Variants in CDK14 observed in about 807,000 individuals in gnomAD.
CDK14 encodes the protein cyclin dependent kinase 14.
CDK14 carries 34 observed loss-of-function variants against 60.7 expected under a neutral mutation model. The observed-to-expected ratio is 0.56, with a 90% confidence interval of 0.43 to 0.75. The LOEUF (loss-of-function observed/expected upper bound fraction) is 0.75, where lower values mean the gene tolerates loss of function less well. CDK14 is among the 30% of genes least tolerant of loss of function. The pLI is 0.00. For synonymous variants in CDK14, 197 were observed against 203.7 expected, an observed-to-expected ratio of 0.97 and a Z score of 0.28; for missense variants, 482 against 564.1, an observed-to-expected ratio of 0.85 and a Z score of 1.47.
At chr7:90,970,116 T>C (rs1200912257) in intron 9 of CDK14, among the ~76,000 whole-genome samples, 1 of 151,892 alleles carries the variant, frequency 6.6e-6, no homozygotes, top group Non-Finnish European at 1.5e-5. Context: ...CAGATGTGTA[T>C]CACCATGCCC....
chr7:91,153,187 C>T (rs1466724763), intron 14 of CDK14, among the ~76,000 whole-genome samples: 1 of 152,122 alleles, frequency 6.6e-6, no homozygotes, highest in Non-Finnish European at 1.5e-5. Context: ...AACTTGAATT[C>T]TAGGCAGAGA....
chr7:90,626,752 C>T (rs1377832793), intron 2 of CDK14, among the ~76,000 whole-genome samples: 1 of 151,982 alleles, frequency 6.6e-6, no homozygotes, highest in African/African-American at 2.4e-5. Flanking sequence ...CCAGCCTGGG[C>T]AATATAGTGA....
chr7:90,906,937 C>T (rs139306727), intron 7 of CDK14, among the ~76,000 whole-genome samples: 179 of 152,178 alleles, frequency 1.2e-3, no homozygotes, highest in African/African-American at 3.9e-3. Flanking sequence ...AATTTCTACT[C>T]ACTTTGCTAC....
chr7:91,166,349 C>A (rs1476611608), intron 14 of CDK14, among the ~76,000 whole-genome samples: 3 of 152,190 alleles, frequency 2.0e-5, no homozygotes, highest in African/African-American at 7.2e-5. Context: ...ATAAATACAC[C>A]ATTGAGGAGC....
intron 14 of CDK14, among the ~76,000 whole-genome samples, chr7:91,182,171 G>C (rs1367816661): frequency 1.3e-5 from 2 of 152,036 alleles, no homozygotes; most frequent in Non-Finnish European, 2.9e-5. Context: ...ACTAGCCTCA[G>C]AATGGCAATA....
At chr7:90,820,585 A>C (rs1411490042) in intron 5 of CDK14, among the ~76,000 whole-genome samples, 1 of 152,182 alleles carries the variant, frequency 6.6e-6, no homozygotes, top group Non-Finnish European at 1.5e-5. Context: ...AGGCCTCCCC[A>C]GCCATGTGGA....
intron 4 of CDK14, among the ~76,000 whole-genome samples, chr7:90,787,859 A>G (rs956020064): frequency 1.3e-5 from 2 of 152,186 alleles, no homozygotes; most frequent in Non-Finnish European, 2.9e-5. Context: ...TGCAGTTACC[A>G]TAGAAAATAT....
chr7:90,864,690 A>G (rs117294694), intron 6 of CDK14, among the ~76,000 whole-genome samples: 2,659 of 152,298 alleles, frequency 0.017, 44 homozygotes, highest in Non-Finnish European at 0.023. Flanking sequence ...TGGGGCTAAA[A>G]TGTACATATT....
intron 11 of CDK14, among the ~76,000 whole-genome samples, chr7:91,065,851 G>T (rs1797959179): frequency 6.6e-6 from 1 of 152,166 alleles, no homozygotes. Flanking sequence ...TAGCCAAAAG[G>T]ATTTGAGTGT....
chr7:91,010,557 A>G (rs1228591051), intron 10 of CDK14, among the ~76,000 whole-genome samples: 1 of 152,092 alleles, frequency 6.6e-6, no homozygotes, highest in African/African-American at 2.4e-5. Flanking sequence ...CATTACTAGT[A>G]TATAAAAATG....
intron 12 of CDK14, among the ~76,000 whole-genome samples, chr7:91,096,461 A>C (rs1053249383): frequency 6.6e-6 from 1 of 152,206 alleles, no homozygotes; most frequent in South Asian, 2.1e-4. Context: ...AACCCTGGCT[A>C]TCAGTTTGAC....
chr7:90,958,216 G>A (rs958027644), intron 9 of CDK14, among the ~76,000 whole-genome samples: 7 of 152,084 alleles, frequency 4.6e-5, no homozygotes, highest in Admixed American at 3.9e-4. Context: ...GCACAGTGCA[G>A]ATTTTTTTAT....
chr7:91,028,087 A>G (rs1311639260), intron 10 of CDK14, among the ~76,000 whole-genome samples: 1 of 148,660 alleles, frequency 6.7e-6, no homozygotes, highest in Non-Finnish European at 1.5e-5. Context: ...CCATTATACC[A>G]TTCTTATGCT....
chr7:90,738,908 A>T lies in CDK14; in HGVS notation c.370-8773A>T, dbSNP rs554203681. 8.3e-3 allele frequency among the ~76,000 whole-genome samples: 918 copies of T among 109,998 alleles called. 14 individuals are homozygous for T. Among genetic ancestry groups the T allele is most frequent in the African/African-American group, 0.03 (862 of 29,210 alleles). 72.2% of individuals were successfully genotyped at this position (109,998 alleles called of 152,430 possible). The stretch of plus-strand genomic sequence containing the variant: ...CCTTCTGAATTATTCTTTTTTTTTT[A>T]CTTATTTGATGGGAAGAATTTTATT... On this transcript the variant is annotated intron_variant, in intron 3 of 14. Transcript: ENST00000380050.
At chr7:91,146,582 A>G (rs1224367961) in intron 14 of CDK14, among the ~76,000 whole-genome samples, 1 of 152,220 alleles carries the variant, frequency 6.6e-6, no homozygotes, top group Non-Finnish European at 1.5e-5. Flanking sequence ...ATTACAGTTA[A>G]GCATACATAT....
chr7:90,883,848 T>A (rs1295022985), intron 6 of CDK14, among the ~76,000 whole-genome samples: 1 of 152,204 alleles, frequency 6.6e-6, no homozygotes, highest in Non-Finnish European at 1.5e-5. Flanking sequence ...CAAATGATTA[T>A]CTCAATAGAT....
chr7:90,787,840 G>GT (rs1805662728), intron 4 of CDK14, among the ~76,000 whole-genome samples: 1 of 152,022 alleles, frequency 6.6e-6, no homozygotes, highest in Non-Finnish European at 1.5e-5. Flanking sequence ...CCTAGGTCTT[G>GT]TTTTTTTATG....
chr7:91,123,407 G>A (rs2116397919), intron 14 of CDK14, among the ~76,000 whole-genome samples: 1 of 152,116 alleles, frequency 6.6e-6, no homozygotes, highest in South Asian at 2.1e-4. Flanking sequence ...GCTTAGAGGG[G>A]AAACAAACCT....
rs141382619 is a variant in CDK14, at chr7:90,888,479, T to C, written c.640-10812T>C. On this transcript the variant is annotated intron_variant, in intron 6 of 14. Transcript: ENST00000380050. ...TAAAAGACTCTATTATTCACCCCTG[T>C]AGTCAGCAAAAGTTATTTCAGGATG... 5.4e-3 allele frequency among the ~76,000 whole-genome samples: 818 copies of C among 152,366 alleles called. 4 individuals carry two copies. Among genetic ancestry groups the C allele is most frequent in the Middle Eastern group, 0.01 (3 of 294 alleles).
Sources: allele counts gnomAD v4.1 joint callset (sites outside exome capture counted in the v4.1 genomes callset), GRCh38; gene constraint gnomAD v4.1.1; transcripts MANE v1.5; gene names NCBI Gene and HGNC (gene_info 2026-07-23, HGNC 2026-07-21).